Variants in KCNH1 observed in about 807,000 individuals in gnomAD.
KCNH1 encodes potassium voltage-gated channel subfamily H member 1, also known as voltage-gated delayed rectifier potassium channel KCNH1.
KCNH1 carries 27 observed loss-of-function variants against 69.2 expected under a neutral mutation model. The ratio of observed to expected loss-of-function variants is 0.39; its 90% CI spans 0.29 to 0.54. KCNH1 has a LOEUF of 0.54. Among genes scored for constraint, KCNH1 ranks in the 20% least tolerant of loss-of-function variants. KCNH1 has a pLI of 0.68. For synonymous variants in KCNH1, 456 were observed against 487.7 expected (o/e 0.93, Z 0.86); for missense variants, 798 against 1,261.6 (o/e 0.63, Z 5.57).
intron 7 of KCNH1, among the ~76,000 whole-genome samples, chr1:210,854,739 T>C (rs1204670493): frequency 1.3e-5 from 2 of 152,200 alleles, no homozygotes; most frequent in African/African-American, 4.8e-5. Context: ...TTTTAGGATA[T>C]GGTCTTGACC....
At chr1:210,742,496 C>T (rs988111144) in intron 10 of KCNH1, among the ~76,000 whole-genome samples, 13 of 152,114 alleles carry the variant, frequency 8.5e-5, no homozygotes, top group African/African-American at 3.1e-4. Context: ...GGCCGCAGAC[C>T]ACTGCGTCTC....
At chr1:210,884,161 C>A (rs1686553636) in intron 7 of KCNH1, among the ~76,000 whole-genome samples, 1 of 152,142 alleles carries the variant, frequency 6.6e-6, no homozygotes, top group African/African-American at 2.4e-5. Context: ...TGGTCATTAC[C>A]CTTTGAAAGG....
intron 7 of KCNH1, among the ~76,000 whole-genome samples, chr1:210,885,990 G>T (rs1686596105): frequency 6.6e-6 from 1 of 152,142 alleles, no homozygotes. Flanking sequence ...AAACACTCCT[G>T]CCTGCTGGCT....
intron 5 of KCNH1, among the ~76,000 whole-genome samples, chr1:211,078,384 G>A (rs1180645512): frequency 3.9e-5 from 6 of 152,232 alleles, no homozygotes; most frequent in African/African-American, 7.2e-5. Context: ...GCACTCCTCA[G>A]CAAATGTAAA....
At chr1:210,792,582 G>A (rs1684230950) in intron 9 of KCNH1, among the ~76,000 whole-genome samples, 1 of 142,774 alleles carries the variant, frequency 7.0e-6, no homozygotes, top group South Asian at 2.1e-4. Flanking sequence ...GGCAACTCCA[G>A]TAAGGAGTTA....
chr1:211,083,480 G>C (rs188316198), intron 4 of KCNH1, among the ~76,000 whole-genome samples: 5 of 152,348 alleles, frequency 3.3e-5, no homozygotes, highest in Non-Finnish European at 1.5e-5. Context: ...TTTAGGATGG[G>C]AGAAAGATGG....
At chr1:210,712,089 C>G (rs1449017747) in intron 10 of KCNH1, among the ~76,000 whole-genome samples, 9 of 152,144 alleles carry the variant, frequency 5.9e-5, no homozygotes, top group Non-Finnish European at 1.0e-4. Context: ...CAACGCTCAG[C>G]CATTAACACC....
At chr1:210,937,579 A>T (rs1687795572) in intron 6 of KCNH1, among the ~76,000 whole-genome samples, 1 of 152,132 alleles carries the variant, frequency 6.6e-6, no homozygotes, top group Non-Finnish European at 1.5e-5. Context: ...GTGGTATTCA[A>T]TGTCACCTGA....
At chr1:210,728,697 G>C (rs1682670118) in intron 10 of KCNH1, among the ~76,000 whole-genome samples, 1 of 152,214 alleles carries the variant, frequency 6.6e-6, no homozygotes, top group Non-Finnish European at 1.5e-5. Flanking sequence ...ATATTGATTA[G>C]CAACAGGAGG....
At chr1:210,957,738 C>T (rs1222759914) in intron 6 of KCNH1, among the ~76,000 whole-genome samples, 4 of 151,990 alleles carry the variant, frequency 2.6e-5, no homozygotes, top group Non-Finnish European at 5.9e-5. Flanking sequence ...GATTGCAACC[C>T]ATGCTTTTTT....
chr1:210,702,042 T>TATCA (rs1467986409), intron 10 of KCNH1, among the ~76,000 whole-genome samples: 3 of 152,232 alleles, frequency 2.0e-5, no homozygotes, highest in Non-Finnish European at 4.4e-5. Flanking sequence ...TTCATTTTTC[T>TATCA]ATCAGAATTT....
intron 4 of KCNH1, among the ~76,000 whole-genome samples, chr1:211,085,325 C>T (rs1690933252): frequency 6.6e-6 from 1 of 151,892 alleles, no homozygotes; most frequent in Non-Finnish European, 1.5e-5. Context: ...CCAAGAAGAA[C>T]CTGGACAGTA....
At chr1:210,953,734 C>A (rs1297917584) in intron 6 of KCNH1, among the ~76,000 whole-genome samples, 1 of 152,152 alleles carries the variant, frequency 6.6e-6, no homozygotes, top group East Asian at 1.9e-4. Flanking sequence ...AAAATTCACA[C>A]CCCCTGGGAT....
At chr1:211,040,768 G>C (rs74156877) in intron 5 of KCNH1, among the ~76,000 whole-genome samples, 3,259 of 152,136 alleles carry the variant, frequency 0.021, 119 homozygotes, top group African/African-American at 0.075. Flanking sequence ...TCATGTTTTT[G>C]CCTTAGGAAT....
intron 10 of KCNH1, among the ~76,000 whole-genome samples, chr1:210,759,957 C>G (rs748419566): frequency 6.6e-6 from 1 of 152,196 alleles, no homozygotes; most frequent in African/African-American, 2.4e-5. Context: ...GCACTGCCAC[C>G]TGAGCTCCGC....
In KCNH1 at chr1:210,683,252, G is replaced by A. The variant is rs373478114; in HGVS notation, c.*29C>T. ...GGTGACGGCAGGGTTGGAGGTATCT[G>A]TCTCTGACTTTTTTTTTAAATAGAC... is the stretch of plus-strand genomic sequence containing the variant. On this transcript the variant is annotated 3_prime_UTR_variant, in exon 11 of 11. Coordinates refer to ENST00000271751, the MANE Select transcript of KCNH1 (RefSeq NM_172362.3). This position sits in a 1 kb window ranked among gnomAD's most constrained non-coding sequence, Gnocchi z 5.7. 3.7e-6 allele frequency: 6 copies of A among 1,601,464 alleles called. No homozygotes were observed. The Admixed American group carries it at 8.5e-5, about 23-fold the overall frequency.
At chr1:210,984,698 G>T (rs1156962127) in intron 6 of KCNH1, among the ~76,000 whole-genome samples, 2 of 152,090 alleles carry the variant, frequency 1.3e-5, no homozygotes, top group African/African-American at 4.8e-5. Context: ...GTATTTTATT[G>T]AGGATTTTTG....
At chr1:210,803,905 C>A (rs1198814489) in intron 8 of KCNH1, 62 bp downstream of exon 8, 2 of 1,470,252 alleles carry the variant, frequency 1.4e-6, no homozygotes, top group African/African-American at 1.4e-5. Context: ...CTTAGGCAAG[C>A]CTCAACCCTC....
At chr1:210,736,570 T>C (rs748252577) in intron 10 of KCNH1, among the ~76,000 whole-genome samples, 35 of 151,696 alleles carry the variant, frequency 2.3e-4, no homozygotes, top group Non-Finnish European at 4.1e-4. Flanking sequence ...TACCCATGAC[T>C]AGAATACAGA....
Sources: allele counts gnomAD v4.1 joint callset (sites outside exome capture counted in the v4.1 genomes callset), GRCh38; gene constraint gnomAD v4.1.1; non-coding constraint Gnocchi (gnomAD v3.1); transcripts MANE v1.5; gene names NCBI Gene and HGNC (gene_info 2026-07-23, HGNC 2026-07-21).